Variants in RREB1 observed in about 807,000 individuals in gnomAD.
RREB1 encodes the protein ras-responsive element-binding protein 1.
In RREB1, 27 loss-of-function variants were observed where a neutral mutation model predicts 117.8. The ratio of observed to expected loss-of-function variants is 0.23; its 90% CI spans 0.17 to 0.32. The LOEUF is 0.32. Ranked by LOEUF, RREB1 falls within the 10% of genes least tolerant of loss-of-function variation. RREB1 has a pLI of 1.00. For missense variants in RREB1, 2,577 were observed against 2,378.2 expected, an observed-to-expected ratio of 1.08 and a Z score of -1.74; for synonymous variants, 1,298 against 1,026.7, an observed-to-expected ratio of 1.26 and a Z score of -5.05.
upstream of RREB1, chr6:7,107,921 C>A (rs950672501): frequency 3.3e-5 from 5 of 152,650 alleles, no homozygotes; most frequent in African/African-American, 9.7e-5. Flanking sequence ...GAAGTGACTG[C>A]GGAGTTGATG....
intron 1 of RREB1, among the ~76,000 whole-genome samples, chr6:7,136,065 T>G (rs1762340003): frequency 6.6e-6 from 1 of 152,208 alleles, no homozygotes; most frequent in Admixed American, 6.5e-5. Context: ...CTGAGTGAGA[T>G]TCCCATGTCT....
intron 6 of RREB1, among the ~76,000 whole-genome samples, chr6:7,203,163 C>G (rs912093576): frequency 8.5e-5 from 13 of 152,174 alleles, no homozygotes; most frequent in South Asian, 2.1e-4. Flanking sequence ...CTCTCTACCC[C>G]CTACTGGATC....
intron 1 of RREB1, among the ~76,000 whole-genome samples, chr6:7,110,107 T>A (rs1761060483): frequency 6.6e-6 from 1 of 151,394 alleles, no homozygotes; most frequent in African/African-American, 2.5e-5. Flanking sequence ...ATTTTTGATA[T>A]TTTTTTTCCC....
At chr6:7,245,389 C>T (rs539565034) in intron 11 of RREB1, among the ~76,000 whole-genome samples, 2 of 152,218 alleles carry the variant, frequency 1.3e-5, no homozygotes, top group East Asian at 1.9e-4. Flanking sequence ...GGCGAAACTC[C>T]GTCTTGAAAA....
intron 11 of RREB1, among the ~76,000 whole-genome samples, chr6:7,243,431 G>A (rs189011352): frequency 6.6e-6 from 1 of 152,274 alleles, no homozygotes; most frequent in African/African-American, 2.4e-5. Flanking sequence ...TGGGGAGAGG[G>A]AAGAACTGCA....
intron 3 of RREB1, chr6:7,181,600 A>G: frequency 1.8e-6 from 1 of 568,820 alleles, no homozygotes; most frequent in Non-Finnish European, 3.1e-6. Flanking sequence ...AGATTAGGAA[A>G]GGTAGAGAAA....
rs940681574 is a variant in RREB1 at position 7,230,624 on chromosome 6, C to T, written c.2525C>T (p.Ser842Leu). 7 of 1,603,040 alleles carry T rather than the reference C, an allele frequency of 4.4e-6. No individual in the cohort carries two copies. The highest frequency in any genetic ancestry group is 3.3e-4 in the Middle Eastern group (2 of 6,050). The change falls in exon 10 of 13, where the codon TCG becomes TTG. Residue 842 changes from serine to leucine, a missense_variant. Transcript: ENST00000379938. ...GCAGAGGCGCCGGCCGCTGAGGCGT[C>T]GGGGCGCGGGGAGGACAGTGGCTGC... ...GPAEAPAAEA[S>L]GRGEDSGCAA...
chr6:7,190,646 GGAATT>G (rs1242604454), intron 6 of RREB1, among the ~76,000 whole-genome samples: 1 of 152,192 alleles, frequency 6.6e-6, no homozygotes, highest in Non-Finnish European at 1.5e-5. Context: ...TGGGTACAAA[GGAATT>G]GAATAGTGTT....
At position 7,226,542 on chromosome 6, in the gene RREB1, T is replaced by G. The variant is rs1050250479; in HGVS notation, c.783T>G (p.Leu261=). 4 of 1,614,030 alleles carry G rather than the reference T, an allele frequency of 2.5e-6. No homozygotes were observed. The highest frequency in any genetic ancestry group is 3.4e-6 in the Non-Finnish European group (4 of 1,180,030). The part of the protein sequence containing the change: ...LRHNALVHKQ[L]PRDAMGRPFI... Reference sequence around the variant, plus strand: ...ACAACGCGCTTGTCCACAAACAACTTCCCAGGGATGCAATGGGCAGACCTT... The same window carrying G: ...ACAACGCGCTTGTCCACAAACAACTGCCCAGGGATGCAATGGGCAGACCTT... Residue 261 remains leucine, a synonymous_variant, in exon 9 of 13, where the codon CTT becomes CTG. Coordinates refer to ENST00000379938, the MANE Select transcript of RREB1 (RefSeq NM_001003699.4).
chr6:7,248,429 C>G, intron 12 of RREB1, 82 bp from the exon 13 acceptor site: 1 of 1,225,872 alleles, frequency 8.2e-7, no homozygotes, highest in Non-Finnish European at 1.2e-6. Flanking sequence ...AGCCTGGGAG[C>G]CTCATTCTTC....
In RREB1 at chr6:7,229,653, G is replaced by A. The variant is rs1379976633; in HGVS notation, c.1554G>A (p.Val518=). The A allele has an allele frequency of 6.2e-7, 1 of 1,612,264 alleles. No homozygotes were observed. Among genetic ancestry groups the A allele is most frequent in the South Asian group, 1.1e-5 (1 of 90,910 alleles). Residue 518 remains valine, a synonymous_variant, in exon 10 of 13, where the codon GTG becomes GTA. Transcript: ENST00000379938. This position sits in a 1 kb window ranked among gnomAD's most constrained non-coding sequence, Gnocchi z 4.5. The part of the protein sequence containing the change: ...KPKPLVTPRT[V]VATSTPPPLI... ...AGCCCCTGGTCACACCACGGACGGT[G>A]GTGGCCACCTCCACGCCCCCGCCTC...
chr6:7,239,009 G>A (rs1041592057), intron 10 of RREB1, among the ~76,000 whole-genome samples: 7 of 152,206 alleles, frequency 4.6e-5, no homozygotes, highest in Admixed American at 2.0e-4. Flanking sequence ...AGCCAGTGCC[G>A]GTTAAGGCTA....
chr6:7,120,169 G>T (rs1469349440), intron 1 of RREB1, among the ~76,000 whole-genome samples: 2 of 150,304 alleles, frequency 1.3e-5, no homozygotes, highest in African/African-American at 4.9e-5. Flanking sequence ...TATGTACCTA[G>T]GCCGGGCGTG....
Position 7,229,325 on chromosome 6 carries a change from T to G in RREB1, c.1226T>G (p.Leu409Arg). The part of the protein sequence containing the change: ...QLPQDPGCTN[L>R]LSLSPFEAAS... ...CCTCAGGACCCCGGCTGCACCAACC[T>G]GCTGAGCCTGTCACCTTTCGAAGCT... Residue 409 changes from leucine to arginine, a missense_variant, in exon 10 of 13, where the codon CTG (leucine) becomes CGG (arginine). Leu to Arg is a moderately radical substitution (Grantham distance 102, BLOSUM62 -2). Transcript: ENST00000379938. The surrounding 1 kb of genome is among the most constrained non-coding windows in gnomAD (Gnocchi z 4.5). The G allele has an allele frequency of 1.9e-6, 3 of 1,614,168 alleles. No individual in the cohort carries two copies. The highest frequency in any genetic ancestry group is 2.5e-6 in the Non-Finnish European group (3 of 1,180,018).
intron 1 of RREB1, among the ~76,000 whole-genome samples, chr6:7,160,963 C>A (rs768539884): frequency 6.6e-6 from 1 of 152,130 alleles, no homozygotes; most frequent in Non-Finnish European, 1.5e-5. Flanking sequence ...GGATTACAGG[C>A]GTGAGCCACT....
At chr6:7,201,178 C>T (rs1430708913) in intron 6 of RREB1, among the ~76,000 whole-genome samples, 3 of 152,090 alleles carry the variant, frequency 2.0e-5, no homozygotes, top group Non-Finnish European at 4.4e-5. Flanking sequence ...CCATGCCCCT[C>T]GTCTGATGCA....
Position 7,243,810 on chromosome 6 carries a change from G to A in RREB1, c.3974-2614G>A, listed in dbSNP as rs114839933. Among the ~76,000 whole-genome samples, 143 of 151,252 alleles carry A rather than the reference G, an allele frequency of 9.5e-4. 1 individual carries two copies. Among genetic ancestry groups the A allele is most frequent in the African/African-American group, 3.3e-3 (137 of 41,128 alleles). On this transcript the variant is annotated intron_variant, in intron 11 of 12. Coordinates refer to ENST00000379938, the MANE Select transcript of RREB1 (RefSeq NM_001003699.4). ...TTGATCTTATATTTCTTTGGGTTTT[G>A]TTTCAAAATTTATTTTACTTTCTTT...
At chr6:7,133,032 C>T (rs1484998662) in intron 1 of RREB1, among the ~76,000 whole-genome samples, 1 of 152,184 alleles carries the variant, frequency 6.6e-6, no homozygotes, top group Admixed American at 6.5e-5. Context: ...CACATCTATC[C>T]TGAGCAAGTC....
chr6:7,216,095 T>G (rs1766885039), intron 8 of RREB1: 1 of 152,200 alleles, frequency 6.6e-6, no homozygotes, highest in Non-Finnish European at 1.5e-5. Context: ...TCATTTCAGT[T>G]AAAATGTACC....
Sources: gnomAD v4.1 joint callset for allele counts (sites outside exome capture counted in the v4.1 genomes callset) on GRCh38, gnomAD v4.1.1 for gene constraint, Gnocchi (gnomAD v3.1) non-coding constraint, MANE v1.5 for transcripts, NCBI Gene and HGNC (gene_info 2026-07-23, HGNC 2026-07-21) for gene names.